Variants in BIRC6 observed in about 807,000 individuals in gnomAD.
BIRC6 encodes baculoviral IAP repeat containing 6, also known as dual E2 ubiquitin-conjugating enzyme/E3 ubiquitin-protein ligase BIRC6.
A neutral mutation model predicts 503.3 loss-of-function variants in BIRC6; 98 were observed. The observed-to-expected ratio is 0.19, with a 90% CI of 0.17 to 0.23. BIRC6 has a LOEUF of 0.23. Among genes scored for constraint, BIRC6 ranks in the 10% least tolerant of loss-of-function variants. The pLI, the probability that BIRC6 is intolerant of heterozygous loss-of-function variation, is 1.00. For synonymous variants in BIRC6, 2,240 were observed against 2,078.7 expected, an observed-to-expected ratio of 1.08 and a Z score of -2.11; for missense variants, 5,360 against 5,806.0, an observed-to-expected ratio of 0.92 and a Z score of 2.50.
At chr2:32,519,801 A>T (rs2055446699) in intron 57 of BIRC6, among the ~76,000 whole-genome samples, 1 of 152,200 alleles carries the variant, frequency 6.6e-6, no homozygotes, top group South Asian at 2.1e-4. Flanking sequence ...TACAGGTGTG[A>T]GCTACCGCGC....
At chr2:32,468,150 T>G (rs1485874813) in intron 28 of BIRC6, 39 bp downstream of exon 28, 1 of 1,564,948 alleles carries the variant, frequency 6.4e-7, no homozygotes, top group South Asian at 1.1e-5. Flanking sequence ...ATTGAAACTT[T>G]GTATTTTATA....
At chr2:32,532,034 T>C (rs2056805561) in intron 61 of BIRC6, 6 of 501,954 alleles carry the variant, frequency 1.2e-5, no homozygotes, top group Non-Finnish European at 2.4e-5. Context: ...TTCCATGCTC[T>C]TGTATCAATC....
chr2:32,585,621 C>T (rs1559108177), intron 66 of BIRC6, among the ~76,000 whole-genome samples: 1 of 152,138 alleles, frequency 6.6e-6, no homozygotes, highest in Non-Finnish European at 1.5e-5. Context: ...CTCAGGTGAT[C>T]CACCCACCTT....
In BIRC6 at chr2:32,501,796, A is replaced by T; in HGVS notation, c.9115A>T (p.Ile3039Leu). The T allele has an allele frequency of 6.2e-7, 1 of 1,613,892 alleles. No homozygotes were observed. Among genetic ancestry groups the T allele is most frequent in the Non-Finnish European group, 8.5e-7 (1 of 1,179,800 alleles). Residue 3039 changes from isoleucine (I) to leucine (L), a missense_variant, in exon 47 of 74, where the codon ATA becomes TTA. Physicochemically the swap from Ile to Leu is conservative, Grantham distance 5 (BLOSUM62 2). This residue lies in a region of BIRC6 where 267 missense variants were observed against 287.6 expected (regional missense o/e 0.93). Transcript: ENST00000421745. Reference protein sequence around the residue: ...AISVGDGLFTILTTLSKKAST... With the variant: ...AISVGDGLFTLLTTLSKKAST... ...ATCAGTTGGGGATGGATTATTTACC[A>T]TACTGACAACCCTTAGTAAAAAAGC...
At chr2:32,596,509 A>C (rs2061684457) in intron 68 of BIRC6, among the ~76,000 whole-genome samples, 1 of 149,728 alleles carries the variant, frequency 6.7e-6, no homozygotes, top group African/African-American at 2.5e-5. Flanking sequence ...TTATTATCTC[A>C]CTCTTTACAT....
chr2:32,425,652 A>G (rs1308473037), intron 10 of BIRC6, among the ~76,000 whole-genome samples: 3 of 151,680 alleles, frequency 2.0e-5, no homozygotes, highest in African/African-American at 7.3e-5. Flanking sequence ...CCCTCTCCCC[A>G]CTCTTATCCT....
chr2:32,425,434 C>CTTT (rs200528146), intron 10 of BIRC6, among the ~76,000 whole-genome samples: 34 of 134,296 alleles, frequency 2.5e-4, no homozygotes, highest in Admixed American at 6.6e-4. Context: ...TCTGGTAATT[C>CTTT]TTTTTTTTTT....
intron 3 of BIRC6, among the ~76,000 whole-genome samples, chr2:32,387,627 T>C (rs2038658567): frequency 6.6e-6 from 1 of 152,212 alleles, no homozygotes; most frequent in African/African-American, 2.4e-5. Flanking sequence ...CCTGTGTTTT[T>C]AGTTGCTATT....
chr2:32,469,296 T>C, intron 29 of BIRC6, 99 bp from the exon 30 acceptor site: 1 of 851,550 alleles, frequency 1.2e-6, no homozygotes, highest in Non-Finnish European at 1.8e-6. Context: ...AATTATCTAC[T>C]GATTACTAGA....
rs537399762 is a variant in BIRC6, at chr2:32,574,333, G to A, written c.13145-823G>A. Reference sequence around the variant, plus strand: ...AAGTTTTACCATGTTGCCCAGGCCGGTCTCAAACTCCCAGGCTCAAGTGAT... The same window carrying A: ...AAGTTTTACCATGTTGCCCAGGCCGATCTCAAACTCCCAGGCTCAAGTGAT... On this transcript the variant is annotated intron_variant, in intron 65 of 73. Transcript: ENST00000421745. 2.6e-5 allele frequency among the ~76,000 whole-genome samples: 4 copies of A among 151,848 alleles called. 1 individual carries two copies. The South Asian group carries it at 8.3e-4, about 32-fold the overall frequency.
chr2:32,541,496 G>T (rs966567933), intron 61 of BIRC6, among the ~76,000 whole-genome samples: 19 of 152,166 alleles, frequency 1.2e-4, no homozygotes, highest in African/African-American at 3.9e-4. Flanking sequence ...ACTAATCACA[G>T]AGTTACCTCA....
chr2:32,429,551 C>G (rs747850354), intron 11 of BIRC6, among the ~76,000 whole-genome samples: 1 of 146,710 alleles, frequency 6.8e-6, no homozygotes, highest in Non-Finnish European at 1.5e-5. Context: ...AGTAGACTGG[C>G]TCATATTATT....
chr2:32,415,140 G>A lies in BIRC6; in HGVS notation c.1849G>A (p.Glu617Lys), dbSNP rs13423837. The change falls in exon 10 of 74, where the codon GAA becomes AAA. Residue 617 changes from glutamate to lysine, a missense_variant. Physicochemically the swap from Glu to Lys is moderately conservative, Grantham distance 56 (BLOSUM62 1). Around this residue, in one of 16 missense-constraint regions of BIRC6, gnomAD observed 700 missense variants for 739.3 expected, o/e 0.95. Transcript: ENST00000421745. ...TGACAATGAATCCTGCACTAATTCA[G>A]AACTAAATTCTCCTCTGGTAAGGAG... Reference protein sequence around the residue: ...STDNESCTNSELNSPLVRRTL... With the variant: ...STDNESCTNSKLNSPLVRRTL... The A allele has an allele frequency of 6.2e-7, 1 of 1,613,952 alleles. No homozygotes were observed. The highest frequency in any genetic ancestry group is 8.5e-7 in the Non-Finnish European group (1 of 1,179,888).
At position 32,436,035 on chromosome 2, in the gene BIRC6, A is replaced by C; in HGVS notation, c.3500-18A>C. 7.5e-7 allele frequency: 1 copy of C among 1,328,950 alleles called. No individual in the cohort carries two copies. Among genetic ancestry groups the C allele is most frequent in the Non-Finnish European group, 9.9e-7 (1 of 1,006,908 alleles). The allele number at this position is 1,328,950 out of a possible 1,614,324, so 82.3% of individuals were successfully genotyped here. ...AAATGAATGAATTTAAAAGAAAAAT[A>C]TGTATTTTTCTTTTTAGGTCTTAGA... On this transcript the variant is annotated intron_variant, in intron 14 of 73. Coordinates refer to ENST00000421745, the MANE Select transcript of BIRC6 (RefSeq NM_016252.4).
At chr2:32,430,835 A>G (rs753558614) in intron 11 of BIRC6, 30 bp from the exon 12 acceptor site, 4 of 803,414 alleles carry the variant, frequency 5.0e-6, no homozygotes, top group African/African-American at 4.1e-5. Flanking sequence ...TTCCACACCT[A>G]TTTCAAATAC....
chr2:32,616,419 G>T (rs2063242480), intron 73 of BIRC6, among the ~76,000 whole-genome samples: 3 of 151,938 alleles, frequency 2.0e-5, no homozygotes, highest in Non-Finnish European at 4.4e-5. Context: ...AATTAACTGG[G>T]CATGGTGGTG....
chr2:32,433,338 T>C (rs2044345688), intron 12 of BIRC6, among the ~76,000 whole-genome samples: 1 of 152,190 alleles, frequency 6.6e-6, no homozygotes, highest in Non-Finnish European at 1.5e-5. Context: ...ACCCTACTCA[T>C]AGATCTAGGG....
At chr2:32,432,933 G>A (rs1308800767) in intron 12 of BIRC6, among the ~76,000 whole-genome samples, 2 of 152,158 alleles carry the variant, frequency 1.3e-5, no homozygotes, top group Non-Finnish European at 2.9e-5. Context: ...TTTGGTTGCT[G>A]TTGTGCTGAT....
intron 23 of BIRC6, among the ~76,000 whole-genome samples, chr2:32,458,419 A>G (rs1397985240): frequency 6.6e-6 from 1 of 152,006 alleles, no homozygotes; most frequent in East Asian, 1.9e-4. Flanking sequence ...TTGAGTCTCC[A>G]TTTTTATATA....
Sources: gnomAD v4.1 joint callset for allele counts (sites outside exome capture counted in the v4.1 genomes callset) on GRCh38, gnomAD v4.1.1 for gene constraint, gnomAD v4.1.1 regional missense constraint, MANE v1.5 for transcripts, NCBI Gene and HGNC (gene_info 2026-07-23, HGNC 2026-07-21) for gene names.